The following ENO3 variants were observed in gnomAD, a reference collection of about 807,000 sequenced individuals.
The protein encoded by ENO3 is enolase 3.
Under a neutral mutation model 47.7 loss-of-function variants are expected in ENO3, and 46 were observed. The observed-to-expected ratio is 0.96, with a 90% CI of 0.76 to 1.23. The LOEUF is 1.23. Among genes scored for constraint, ENO3 ranks in the 50% most tolerant of loss-of-function variants. The pLI, the probability that ENO3 is intolerant of heterozygous loss-of-function variation, is 0.00. For missense variants in ENO3, 575 were observed against 566.2 expected (o/e 1.02, Z -0.16); for synonymous variants, 223 against 225.9 (o/e 0.99, Z 0.11).
chr17:4,956,589 T>G lies in ENO3; in HGVS notation c.1084T>G (p.Ser362Ala), dbSNP rs767111011. 47 of 1,613,990 alleles carry G rather than the reference T, an allele frequency of 2.9e-5. No individual in the cohort carries two copies. Among genetic ancestry groups the G allele is most frequent in the Non-Finnish European group, 3.9e-5 (46 of 1,180,020 alleles). The change falls in exon 10 of 12, where the codon TCT becomes GCT. Residue 362 changes from serine to alanine, a missense_variant. Ser to Ala is a moderately conservative substitution (Grantham distance 99, BLOSUM62 1). Transcript: ENST00000519602. ...TCCACTCAGGTGCAAACTGGCTCAG[T>G]CTAATGGCTGGGGGGTGATGGTGAG... ...ESIQACKLAQ[S>A]NGWGVMVSHR...
At position 4,955,950 on chromosome 17, in the gene ENO3, A is replaced by T. The variant is rs1567673216; in HGVS notation, c.874A>T (p.Ile292Phe). The T allele has an allele frequency of 1.2e-6, 2 of 1,611,356 alleles. No individual in the cohort carries two copies. The highest frequency in any genetic ancestry group is 1.7e-6 in the Non-Finnish European group (2 of 1,179,620). The change falls in exon 9 of 12, where the codon ATC becomes TTC. Residue 292 changes from isoleucine (I) to phenylalanine (F), a missense_variant. Ile to Phe is a conservative substitution (Grantham distance 21). Coordinates refer to ENST00000519602, the MANE Select transcript of ENO3 (RefSeq NM_053013.4). ...SFIKNYPVVS[I>F]EDPFDQDDWA... Reference sequence around the variant, plus strand: ...GCTCCAAACCCCACCAGTGGTCTCCATCGAAGACCCCTTTGACCAGGATGA... The same window carrying T: ...GCTCCAAACCCCACCAGTGGTCTCCTTCGAAGACCCCTTTGACCAGGATGA...
chr17:4,954,132 A>G, intron 6 of ENO3: 2 of 508,394 alleles, frequency 3.9e-6, no homozygotes, highest in East Asian at 3.5e-5. Context: ...CCTACACCCA[A>G]ATCATATTGA....
chr17:4,950,511 G>A, upstream of ENO3: 1 of 973,344 alleles, frequency 1.0e-6, no homozygotes, highest in Non-Finnish European at 1.2e-6. Context: ...CGGGCGCCTT[G>A]CCAGCCGAAA....
At chr17:4,956,470 C>T in intron 9 of ENO3, 103 bp from the exon 10 acceptor site, 1 of 1,128,346 alleles carries the variant, frequency 8.9e-7, no homozygotes, top group Non-Finnish European at 1.4e-6. Context: ...GCCCTCCCTG[C>T]AGAGTGCTTG....
upstream of ENO3, chr17:4,949,095 G>A (rs1002162944): frequency 1.3e-5 from 2 of 152,168 alleles, no homozygotes; most frequent in African/African-American, 2.4e-5. Context: ...GGAAAGGAAG[G>A]CGGGCTGGGG....
upstream of ENO3, chr17:4,950,964 C>A: frequency 1.1e-6 from 1 of 917,806 alleles, no homozygotes; most frequent in Non-Finnish European, 1.3e-6. Flanking sequence ...GGTAAGGGGG[C>A]AGGTGCCCAG....
chr17:4,954,144 A>G, intron 6 of ENO3: 1 of 483,730 alleles, frequency 2.1e-6, no homozygotes, highest in East Asian at 3.7e-5. Flanking sequence ...TCATATTGAG[A>G]GTTTCTTTGA....
chr17:4,952,236 G>A, intron 2 of ENO3: 2 of 404,888 alleles, frequency 4.9e-6, no homozygotes, highest in Admixed American at 6.6e-5. Context: ...GAGTGCAGTG[G>A]TGCAATCTCA....
rs549625939 is a variant in ENO3 at position 4,952,053 on chromosome 17, G to C, written c.85+139G>C. ...TCTTCCCAAGCCCCCTTCTTCCAAC[G>C]TGGAACCAGAGCTGGAAGCTAGGAG... On this transcript the variant is annotated intron_variant, in intron 2 of 11. Coordinates refer to ENST00000519602, the MANE Select transcript of ENO3 (RefSeq NM_053013.4). 3.3e-6 allele frequency: 3 copies of C among 915,488 alleles called. No homozygotes were observed. In the Admixed American group the frequency reaches 6.0e-5, roughly 18 times the overall value. The allele number at this position is 915,488 out of a possible 1,614,324, so 56.7% of individuals were successfully genotyped here.
At chr17:4,951,046 G>A (rs183617200), upstream of ENO3, 3 of 986,392 alleles carry the variant, frequency 3.0e-6, no homozygotes, top group East Asian at 3.4e-4. Context: ...GGAGGATGGA[G>A]AGAAAGAGAG....
rs772780015 is a variant in ENO3, at chr17:4,955,511, G to T, written c.772G>T (p.Asp258Tyr). The change falls in exon 8 of 12, where the codon GAT becomes TAT. Residue 258 changes from aspartate to tyrosine, a missense_variant. Asp to Tyr is a radical substitution (Grantham distance 160). Coordinates refer to ENST00000519602, the MANE Select transcript of ENO3 (RefSeq NM_053013.4). ...TGAGTTCTATCGCAATGGGAAGTAC[G>T]ATCTTGACTTCAAGTCGCCTGATGA... is the stretch of plus-strand genomic sequence containing the variant. ...ASEFYRNGKY[D>Y]LDFKSPDDPA... The T allele has an allele frequency of 1.9e-5, 30 of 1,614,224 alleles. No homozygotes were observed. In the East Asian group the frequency reaches 6.0e-4, roughly 32 times the overall value.
chr17:4,951,145 T>C lies in ENO3; in HGVS notation c.-40T>C, dbSNP rs1054374870. The stretch of plus-strand genomic sequence containing the variant: ...ACACTGTCCCAGCTGCCACCTAGAC[T>C]CGGAGCTCCATCCAAACCTCCAGCG... On this transcript the variant is annotated 5_prime_UTR_variant, in exon 1 of 12. Coordinates refer to ENST00000519602, the MANE Select transcript of ENO3 (RefSeq NM_053013.4). The C allele has an allele frequency of 2.0e-5, 20 of 988,592 alleles. No homozygotes were observed. The highest frequency in any genetic ancestry group is 2.4e-5 in the Non-Finnish European group (20 of 832,046). 61.2% of individuals were successfully genotyped at this position (988,592 alleles called of 1,614,324 possible). A position where few individuals can be genotyped will look rare whatever the true frequency, so the allele number is the denominator to read the frequency against.
intron 2 of ENO3, 56 bp from the exon 3 acceptor site, chr17:4,952,739 G>A (rs1177477248): frequency 6.5e-7 from 1 of 1,542,216 alleles, no homozygotes; most frequent in African/African-American, 1.4e-5. Context: ...TGGGATTACA[G>A]GCATGGGCCA....
At chr17:4,956,167 C>G in intron 9 of ENO3, 24 bp downstream of exon 9, 1 of 1,612,488 alleles carries the variant, frequency 6.2e-7, no homozygotes, top group Non-Finnish European at 8.5e-7. Flanking sequence ...GACCCTGAGG[C>G]TCACCATAGC....
upstream of ENO3, chr17:4,949,102 G>C (rs1597691695): frequency 6.6e-6 from 1 of 152,138 alleles, no homozygotes; most frequent in African/African-American, 2.4e-5. Context: ...AAGGCGGGCT[G>C]GGGACGTGTC....
chr17:4,954,203 C>T (rs1306413819), intron 6 of ENO3: 1 of 353,990 alleles, frequency 2.8e-6, no homozygotes, highest in Non-Finnish European at 5.3e-6. Flanking sequence ...CTTCTTAAAC[C>T]AGTGCCTTCT....
chr17:4,952,126 G>GGAC, intron 2 of ENO3: 1 of 674,602 alleles, frequency 1.5e-6, no homozygotes, highest in Non-Finnish European at 2.7e-6. Context: ...AGCTCAGAGA[G>GGAC]GACACCTCAG....
At chr17:4,954,545 A>G (rs1158068703) in intron 6 of ENO3, among the ~76,000 whole-genome samples, 1 of 152,236 alleles carries the variant, frequency 6.6e-6, no homozygotes, top group East Asian at 1.9e-4. Flanking sequence ...ACATGCTAAG[A>G]ACTTTACATT....
In ENO3 at chr17:4,955,552, C is replaced by G. The variant is rs1398308219; in HGVS notation, c.813C>G (p.Ile271Met). 1 of 1,614,120 alleles carries G rather than the reference C, an allele frequency of 6.2e-7. No individual in the cohort carries two copies. The highest frequency in any genetic ancestry group is 8.5e-7 in the Non-Finnish European group (1 of 1,180,052). Residue 271 changes from isoleucine (I) to methionine (M), a missense_variant, in exon 8 of 12, where the codon ATC (isoleucine) becomes ATG (methionine). Physicochemically the swap from Ile to Met is conservative, Grantham distance 10. Coordinates refer to ENST00000519602, the MANE Select transcript of ENO3 (RefSeq NM_053013.4). ...CGCCTGATGATCCCGCACGGCACATCACTGGGGAGAAGCTCGGAGAGCTGT... is the reference window on the plus strand; with the variant it reads ...CGCCTGATGATCCCGCACGGCACATGACTGGGGAGAAGCTCGGAGAGCTGT... ...FKSPDDPARH[I>M]TGEKLGELYK... is the part of the protein sequence containing the mutation.
Sources: gnomAD v4.1 joint callset for allele counts (sites outside exome capture counted in the v4.1 genomes callset) on GRCh38, gnomAD v4.1.1 for gene constraint, MANE v1.5 for transcripts, NCBI Gene and HGNC (gene_info 2026-07-23, HGNC 2026-07-21) for gene names.